Variants in TMEM145 observed in about 807,000 individuals in gnomAD.
TMEM145 encodes transmembrane protein 145.
Under a neutral mutation model 68.5 loss-of-function variants are expected in TMEM145, and 46 were observed. The observed-to-expected ratio is 0.67, with a 90% confidence interval of 0.53 to 0.86. The LOEUF is 0.86. TMEM145 is among the 40% of genes least tolerant of loss of function. The pLI, the probability that TMEM145 is intolerant of heterozygous loss-of-function variation, is 0.00. For synonymous variants in TMEM145, 255 were observed against 280.2 expected, an observed-to-expected ratio of 0.91 and a Z score of 0.90; for missense variants, 570 against 645.8, an observed-to-expected ratio of 0.88 and a Z score of 1.27.
chr19:42,316,665 A>C lies in TMEM145; in HGVS notation c.731A>C (p.Lys244Thr). 1 of 1,613,896 alleles carries C rather than the reference A, an allele frequency of 6.2e-7. No homozygotes were observed. The highest frequency in any genetic ancestry group is 8.5e-7 in the Non-Finnish European group (1 of 1,179,998). The change falls in exon 10 of 15, where the codon AAG becomes ACG. Residue 244 changes from lysine (K) to threonine (T), a missense_variant. Lys to Thr is a moderately conservative substitution (Grantham distance 78). Coordinates refer to ENST00000301204, the MANE Select transcript of TMEM145 (RefSeq NM_173633.3). The part of the protein sequence containing the change: ...IGNESVKILA[K>T]LLFSSSFLIF... Reference sequence around the variant, plus strand: ...GCCCCCTCCTCCCTTCTCCCAGCCAAGCTGCTCTTCTCCTCCAGCTTCCTC... The same window carrying C: ...GCCCCCTCCTCCCTTCTCCCAGCCACGCTGCTCTTCTCCTCCAGCTTCCTC...
intron 13 of TMEM145, among the ~76,000 whole-genome samples, chr19:42,322,100 C>T (rs1432939362): frequency 2.0e-5 from 3 of 152,152 alleles, no homozygotes; most frequent in Non-Finnish European, 2.9e-5. Context: ...TACAACGTAC[C>T]CCGTGTAGGG....
chr19:42,318,290 C>G (rs904476108), intron 12 of TMEM145, among the ~76,000 whole-genome samples: 1 of 151,434 alleles, frequency 6.6e-6, no homozygotes, highest in Admixed American at 6.6e-5. Flanking sequence ...ATGGCGTGAA[C>G]CCAGGAGGCG....
rs577867118 is a variant in TMEM145 at position 42,315,262 on chromosome 19, G to A, written c.577+3G>A. ...CTTCCTCTCTTGTTACTTTGGATGT[G>A]AGTCTGGCACATGGGGTGTGGGGGA... On this transcript the variant is annotated splice_donor_region_variant and intron_variant, in intron 7 of 14. Coordinates refer to ENST00000301204, the MANE Select transcript of TMEM145 (RefSeq NM_173633.3). 3.7e-6 allele frequency: 6 copies of A among 1,610,312 alleles called. No individual in the cohort carries two copies. The highest frequency in any genetic ancestry group is 1.7e-4 in the Middle Eastern group (1 of 6,048).
intron 13 of TMEM145, 149 bp downstream of exon 13, chr19:42,320,586 G>A (rs2038901884): frequency 1.8e-6 from 2 of 1,104,632 alleles, no homozygotes; most frequent in African/African-American, 3.1e-5. Flanking sequence ...AGCCTGCTTG[G>A]TTCCTGCAGT....
At chr19:42,322,434 G>C (rs1210550854) in intron 13 of TMEM145, among the ~76,000 whole-genome samples, 1 of 152,128 alleles carries the variant, frequency 6.6e-6, no homozygotes, top group South Asian at 2.1e-4. Flanking sequence ...GGCTCAGAAC[G>C]GCAAGCACAG....
At position 42,314,988 on chromosome 19, in the gene TMEM145, C is replaced by T. The variant is rs368406776; in HGVS notation, c.421-5C>T. 51 of 1,614,168 alleles carry T rather than the reference C, an allele frequency of 3.2e-5. No homozygotes were observed. Among genetic ancestry groups the T allele is most frequent in the East Asian group, 2.5e-4 (11 of 44,880 alleles). Reference sequence around the variant, plus strand: ...GCCCCCCTTAGGCCTCCCTACCCCCCACAGGGTGATGGATTGCAGCTGGAG... The same window carrying T: ...GCCCCCCTTAGGCCTCCCTACCCCCTACAGGGTGATGGATTGCAGCTGGAG... On this transcript the variant is annotated splice_region_variant and splice_polypyrimidine_tract_variant and intron_variant, in intron 5 of 14. Coordinates refer to ENST00000301204, the MANE Select transcript of TMEM145 (RefSeq NM_173633.3).
intron 14 of TMEM145, chr19:42,324,189 G>C (rs1327351227): frequency 1.1e-6 from 1 of 940,658 alleles, no homozygotes; most frequent in Non-Finnish European, 1.3e-6. Context: ...TGGGGTGGAA[G>C]GGTTCTCCGG....
At chr19:42,324,148 C>A in intron 14 of TMEM145, 1 of 694,820 alleles carries the variant, frequency 1.4e-6, no homozygotes, top group Non-Finnish European at 1.8e-6. Flanking sequence ...GCCACCCAGT[C>A]CTTCCCTGAC....
intron 12 of TMEM145, among the ~76,000 whole-genome samples, chr19:42,319,434 A>G: frequency 6.6e-6 from 1 of 151,138 alleles, no homozygotes; most frequent in East Asian, 1.9e-4. Context: ...TCAAATATCT[A>G]TTTTTTTTTG....
intron 13 of TMEM145, 87 bp from the exon 14 acceptor site, chr19:42,323,496 G>A (rs2038930147): frequency 7.5e-7 from 1 of 1,330,720 alleles, no homozygotes; most frequent in South Asian, 1.3e-5. Flanking sequence ...GATGTCAACT[G>A]AAAGGGAATC....
rs1167345497 is a variant in TMEM145 at position 42,313,736 on chromosome 19, G to A, written c.120+240G>A. Among the ~76,000 whole-genome samples, 1 of 152,158 alleles carries A rather than the reference G, an allele frequency of 6.6e-6. No individual in the cohort carries two copies. Among genetic ancestry groups the A allele is most frequent in the Non-Finnish European group, 1.5e-5 (1 of 68,018 alleles). On this transcript the variant is annotated intron_variant, in intron 1 of 14. Coordinates refer to ENST00000301204, the MANE Select transcript of TMEM145 (RefSeq NM_173633.3). This position sits in a 1 kb window ranked among gnomAD's most constrained non-coding sequence, Gnocchi z 5.1. The stretch of plus-strand genomic sequence containing the variant: ...TTGAGGTCAGAGCTGAGCGGGGAGG[G>A]GGAGCGGGTTGGGAGAGTCAGAGTT...
In TMEM145 at chr19:42,324,252, G is replaced by T. The variant is rs938583888; in HGVS notation, c.1401+463G>T. ...ATCTGCCCCCCGAGGGTCCCGGACG[G>T]CCTCTGACCCTGACCCCCCTCCCAG... is the stretch of plus-strand genomic sequence containing the variant. On this transcript the variant is annotated intron_variant, in intron 14 of 14. Coordinates refer to ENST00000301204, the MANE Select transcript of TMEM145 (RefSeq NM_173633.3). 24 of 984,844 alleles carry T rather than the reference G, an allele frequency of 2.4e-5. No homozygotes were observed. The African/African-American group carries it at 4.0e-4, about 16-fold the overall frequency. The allele number at this position is 984,844 out of a possible 1,614,324, so 61.0% of individuals were successfully genotyped here.
intron 13 of TMEM145, chr19:42,321,386 GTTTTTTTTTTTTT>G: frequency 6.3e-6 from 1 of 159,874 alleles, no homozygotes; most frequent in Non-Finnish European, 1.1e-5. Flanking sequence ...CGGTTAAGTG[GTTTTTTTTTTTTT>G]TTTTTTTTGA....
chr19:42,314,474 C>T lies in TMEM145; in HGVS notation c.219C>T (p.Leu73=), dbSNP rs531296750. ...AGGCCAAGTGCTGTCAGAACATCCT[C>T]CTCTATTTTGATGACCCATCCCAGT... The part of the protein sequence containing the change: ...YPEAKCCQNI[L]LYFDDPSQWP... The change falls in exon 3 of 15, where the codon CTC becomes CTT. Residue 73 remains leucine, a synonymous_variant. Coordinates refer to ENST00000301204, the MANE Select transcript of TMEM145 (RefSeq NM_173633.3). The T allele has an allele frequency of 6.8e-6, 11 of 1,614,172 alleles. No homozygotes were observed. Among genetic ancestry groups the T allele is most frequent in the African/African-American group, 5.3e-5 (4 of 75,024 alleles).
rs1300729490 is a variant in TMEM145, at chr19:42,314,983, C to T, written c.421-10C>T. ...CCAGGGCCCCCCTTAGGCCTCCCTA[C>T]CCCCCACAGGGTGATGGATTGCAGC... is the stretch of plus-strand genomic sequence containing the variant. On this transcript the variant is annotated splice_polypyrimidine_tract_variant and intron_variant, in intron 5 of 14. Coordinates refer to ENST00000301204, the MANE Select transcript of TMEM145 (RefSeq NM_173633.3). 1.9e-6 allele frequency: 3 copies of T among 1,613,976 alleles called. No homozygotes were observed. Among genetic ancestry groups the T allele is most frequent in the South Asian group, 1.1e-5 (1 of 91,076 alleles).
Position 42,324,898 on chromosome 19 carries a change from A to C in TMEM145, c.*81A>C. 1 of 1,380,670 alleles carries C rather than the reference A, an allele frequency of 7.2e-7. No homozygotes were observed. The highest frequency in any genetic ancestry group is 9.4e-7 in the Non-Finnish European group (1 of 1,068,458). 85.5% of individuals were successfully genotyped at this position (1,380,670 alleles called of 1,614,324 possible). A position where few individuals can be genotyped will look rare whatever the true frequency, so the allele number is the denominator to read the frequency against. The stretch of plus-strand genomic sequence containing the variant: ...CCAGGACTCTGCGACCCCGGGATGG[A>C]TATTGCGATGCTGGTCTCGACCCTG... On this transcript the variant is annotated 3_prime_UTR_variant, in exon 15 of 15. Coordinates refer to ENST00000301204, the MANE Select transcript of TMEM145 (RefSeq NM_173633.3).
At chr19:42,319,444 G>T (rs541636449) in intron 12 of TMEM145, among the ~76,000 whole-genome samples, 112 of 151,172 alleles carry the variant, frequency 7.4e-4, no homozygotes, top group African/African-American at 2.4e-3. Context: ...ATTTTTTTTT[G>T]TTTGTTTGTT....
chr19:42,323,034 G>A (rs1425593422), intron 13 of TMEM145, among the ~76,000 whole-genome samples: 1 of 152,218 alleles, frequency 6.6e-6, no homozygotes, highest in East Asian at 1.9e-4. Flanking sequence ...TATGCGCCAG[G>A]CATGGTTCTA....
Position 42,313,536 on chromosome 19 carries a change from C to T in TMEM145, c.120+40C>T, listed in dbSNP as rs931628932. The T allele has an allele frequency of 1.4e-5, 17 of 1,249,286 alleles. No homozygotes were observed. In the African/African-American group the frequency reaches 2.0e-4, roughly 15 times the overall value. 77.4% of individuals were successfully genotyped at this position (1,249,286 alleles called of 1,614,324 possible). ...CCCTCCTCTGCGGCCCGCCGGCCCC[C>T]GGGGGACGCAAGGGAGGCGAGGGGA... On this transcript the variant is annotated intron_variant, in intron 1 of 14. Coordinates refer to ENST00000301204, the MANE Select transcript of TMEM145 (RefSeq NM_173633.3). This position sits in a 1 kb window ranked among gnomAD's most constrained non-coding sequence, Gnocchi z 5.1.
Sources: allele counts gnomAD v4.1 joint callset (sites outside exome capture counted in the v4.1 genomes callset), GRCh38; gene constraint gnomAD v4.1.1; non-coding constraint Gnocchi (gnomAD v3.1); transcripts MANE v1.5; gene names NCBI Gene and HGNC (gene_info 2026-07-23, HGNC 2026-07-21).